RGS7: variants seen among roughly 807,000 people sequenced by gnomAD.
RGS7 encodes the protein regulator of G-protein signaling 7.
Under a neutral mutation model 81.1 loss-of-function variants are expected in RGS7, and 27 were observed. The observed-to-expected ratio is 0.33, with a 90% CI of 0.25 to 0.46. The LOEUF (loss-of-function observed/expected upper bound fraction) is 0.46, where lower values mean the gene tolerates loss of function less well. Among genes scored for constraint, RGS7 ranks in the 20% least tolerant of loss-of-function variants. The probability of loss-of-function intolerance (pLI) is 1.00; values close to 1 mark genes in which losing one functional copy is unlikely to be tolerated. For missense variants in RGS7, 396 were observed against 607.4 expected (o/e 0.65, Z 3.66); for synonymous variants, 208 against 207.7 (o/e 1.00, Z -0.01).
chr1:240,944,260 ATGTGTGTGTG>A (rs35591630), intron 4 of RGS7, among the ~76,000 whole-genome samples: 2,589 of 51,466 alleles, frequency 0.05, 132 homozygotes, highest in African/African-American at 0.093. Flanking sequence ...GTTATATTAT[ATGTGTGTGTG>A]TGTGTGTGTG....
intron 4 of RGS7, among the ~76,000 whole-genome samples, chr1:240,941,779 T>C (rs1422504549): frequency 6.6e-6 from 1 of 151,688 alleles, no homozygotes; most frequent in Non-Finnish European, 1.5e-5. Flanking sequence ...CATCTTAATC[T>C]AATAAGAATC....
intron 6 of RGS7, among the ~76,000 whole-genome samples, chr1:240,912,789 GAATTTTTTTCCTGTATACTACATGAGTA>G (rs1671983749): frequency 6.6e-6 from 1 of 151,832 alleles, no homozygotes; most frequent in Non-Finnish European, 1.5e-5. Flanking sequence ...TTCATTAATG[GAATTTTTTTCCTGTATACTACATGAGTA>G]ATAATGTAAA....
intron 3 of RGS7, among the ~76,000 whole-genome samples, chr1:241,039,892 A>T (rs951118527): frequency 6.6e-6 from 1 of 152,202 alleles, no homozygotes. Context: ...ATGTTCAATA[A>T]ATAAACCTGT....
intron 2 of RGS7, among the ~76,000 whole-genome samples, chr1:241,140,408 C>T (rs2067845001): frequency 6.6e-6 from 1 of 152,156 alleles, no homozygotes; most frequent in Non-Finnish European, 1.5e-5. Context: ...GTCAACCCTT[C>T]TGGAGAGAGC....
chr1:241,098,811 G>T, intron 2 of RGS7, 49 bp from the exon 3 acceptor site: 2 of 1,394,318 alleles, frequency 1.4e-6, no homozygotes, highest in Non-Finnish European at 2.0e-6. Context: ...GAACTTTTTT[G>T]AAAAAAAATC....
intron 4 of RGS7, among the ~76,000 whole-genome samples, chr1:240,956,495 TA>T (rs1166163747): frequency 6.6e-6 from 1 of 152,166 alleles, no homozygotes; most frequent in African/African-American, 2.4e-5. Flanking sequence ...GTAGATACTT[TA>T]GCCTGAATGA....
At chr1:241,211,406 G>C (rs2074235321) in intron 2 of RGS7, among the ~76,000 whole-genome samples, 1 of 152,162 alleles carries the variant, frequency 6.6e-6, no homozygotes, top group African/African-American at 2.4e-5. Flanking sequence ...ACTTCATTGT[G>C]AGGCTTAGAA....
intron 2 of RGS7, among the ~76,000 whole-genome samples, chr1:241,135,367 C>A (rs1323976003): frequency 6.6e-6 from 1 of 152,074 alleles, no homozygotes; most frequent in African/African-American, 2.4e-5. Flanking sequence ...GCGGAGCTTG[C>A]AGTGAGCCGA....
At chr1:241,237,213 G>T (rs1417933115) in intron 2 of RGS7, among the ~76,000 whole-genome samples, 1 of 152,088 alleles carries the variant, frequency 6.6e-6, no homozygotes, top group African/African-American at 2.4e-5. Flanking sequence ...GTGACTTCTG[G>T]AACACAAAAT....
intron 14 of RGS7, among the ~76,000 whole-genome samples, chr1:240,811,001 C>T (rs1244111034): frequency 3.3e-5 from 5 of 152,186 alleles, no homozygotes; most frequent in Non-Finnish European, 5.9e-5. Context: ...CATGTGTCAG[C>T]GTCCTACATC....
At chr1:241,005,649 C>T (rs1230560455) in intron 3 of RGS7, among the ~76,000 whole-genome samples, 2 of 152,116 alleles carry the variant, frequency 1.3e-5, no homozygotes, top group Non-Finnish European at 2.9e-5. Context: ...ATTCTCCTGC[C>T]TCAGCCTCCC....
At chr1:241,275,401 C>T (rs527271373) in intron 2 of RGS7, among the ~76,000 whole-genome samples, 1 of 152,304 alleles carries the variant, frequency 6.6e-6, no homozygotes, top group South Asian at 2.1e-4. Flanking sequence ...TAAAAATATA[C>T]ACTATAGCAC....
At chr1:241,340,685 T>C (rs558603820) in intron 2 of RGS7, among the ~76,000 whole-genome samples, 8 of 151,302 alleles carry the variant, frequency 5.3e-5, no homozygotes, top group Admixed American at 1.3e-4. Flanking sequence ...AAACTAAGGA[T>C]GGAAAGATAA....
chr1:241,056,296 T>A lies in RGS7; in HGVS notation c.175+42370A>T, dbSNP rs35424052. ...TTCAAGTATTACCTCCTGCTAGGCA[T>A]CTTATCTCTAAAGTAACACCTTCCG... is the stretch of plus-strand genomic sequence containing the variant. On this transcript the variant is annotated intron_variant, in intron 3 of 18. Transcript: ENST00000440928. 2.1e-3 allele frequency among the ~76,000 whole-genome samples: 320 copies of A among 152,340 alleles called. 2 individuals are homozygous for A. Among genetic ancestry groups the A allele is most frequent in the Middle Eastern group, 6.8e-3 (2 of 294 alleles).
intron 2 of RGS7, among the ~76,000 whole-genome samples, chr1:241,317,224 A>G (rs561885374): frequency 6.6e-6 from 1 of 152,372 alleles, no homozygotes; most frequent in African/African-American, 2.4e-5. Flanking sequence ...TAAATGGAGT[A>G]AAAAACTAGA....
chr1:240,953,629 T>C (rs772512707), intron 4 of RGS7, among the ~76,000 whole-genome samples: 1 of 152,000 alleles, frequency 6.6e-6, no homozygotes, highest in Non-Finnish European at 1.5e-5. Flanking sequence ...TAAGCATTAA[T>C]GCATTTATTA....
intron 18 of RGS7, among the ~76,000 whole-genome samples, chr1:240,796,185 C>G (rs538973754): frequency 1.6e-4 from 24 of 152,162 alleles, no homozygotes; most frequent in Admixed American, 1.2e-3. Flanking sequence ...GCTCTTTTTA[C>G]CATGTTACCA....
intron 10 of RGS7, 91 bp downstream of exon 10, chr1:240,827,007 G>A: frequency 9.7e-7 from 1 of 1,028,562 alleles, no homozygotes; most frequent in Non-Finnish European, 1.5e-6. Flanking sequence ...GAAAGATACT[G>A]CATGACATGA....
intron 2 of RGS7, among the ~76,000 whole-genome samples, chr1:241,229,564 G>T (rs2075528737): frequency 6.6e-6 from 1 of 152,216 alleles, no homozygotes; most frequent in Non-Finnish European, 1.5e-5. Flanking sequence ...TAATTGAGCT[G>T]CTCTAAATAT....
Sources: gnomAD v4.1 joint callset for allele counts (sites outside exome capture counted in the v4.1 genomes callset) on GRCh38, gnomAD v4.1.1 for gene constraint, MANE v1.5 for transcripts, NCBI Gene and HGNC (gene_info 2026-07-23, HGNC 2026-07-21) for gene names.